Variants in SNX27 observed in about 807,000 individuals in gnomAD.
SNX27 encodes the protein sorting nexin-27.
SNX27 carries 22 observed loss-of-function variants against 71.6 expected under a neutral mutation model. The observed-to-expected ratio is 0.31, with a 90% CI of 0.22 to 0.44. The LOEUF (loss-of-function observed/expected upper bound fraction) is 0.44, where lower values mean the gene tolerates loss of function less well. Ranked by LOEUF, SNX27 falls within the 20% of genes least tolerant of loss-of-function variation. The pLI is 1.00. For synonymous variants in SNX27, 269 were observed against 277.2 expected (o/e 0.97, Z 0.29); for missense variants, 531 against 698.6 (o/e 0.76, Z 2.70).
intron 1 of SNX27, among the ~76,000 whole-genome samples, chr1:151,630,825 A>G (rs1323785346): frequency 1.3e-5 from 2 of 152,190 alleles, no homozygotes; most frequent in Non-Finnish European, 2.9e-5. Context: ...CGAGGTCAGG[A>G]GATCGAGACC....
intron 3 of SNX27, 131 bp from the exon 4 acceptor site, chr1:151,660,667 G>A (rs1330143290): frequency 3.0e-6 from 2 of 666,534 alleles, no homozygotes; most frequent in African/African-American, 1.8e-5. Context: ...ATGGTTTGCT[G>A]CCTCATTATT....
Position 151,674,692 on chromosome 1 carries a change from C to CT in SNX27, c.1149+6070dup, listed in dbSNP as rs1218401207. ...AAAGGATCTCAGAATTTGATTGTTT[C>CT]TTTTTTTTTTTTTGAGACAAAGTCT... On this transcript the variant is annotated intron_variant, in intron 7 of 11. Transcript: ENST00000458013. Among the ~76,000 whole-genome samples, 478 of 143,708 alleles carry CT rather than the reference C, an allele frequency of 3.3e-3. 5 individuals are homozygous for CT. Among genetic ancestry groups the CT allele is most frequent in the African/African-American group, 9.0e-3 (355 of 39,356 alleles). The allele number at this position is 143,708 out of a possible 152,430, so 94.3% of individuals were successfully genotyped here.
In SNX27 at chr1:151,697,894, C is replaced by T. The variant is rs1369377227; in HGVS notation, c.*3477C>T. The T allele has an allele frequency of 6.6e-6, 1 of 152,434 alleles. No homozygotes were observed. The highest frequency in any genetic ancestry group is 1.5e-5 in the Non-Finnish European group (1 of 68,056). The allele number at this position is 152,434 out of a possible 1,614,324, so 9.4% of individuals were successfully genotyped here. On this transcript the variant is annotated 3_prime_UTR_variant, in exon 12 of 12. Coordinates refer to ENST00000458013, the MANE Select transcript of SNX27 (RefSeq NM_001330723.2). ...CCTTCCTCCACACTTGGTTTCTATC[C>T]TCAGGGGTAGAAGCTCAGAGCTTTT...
In SNX27 at chr1:151,683,425, G is replaced by A. The variant is rs759653250; in HGVS notation, c.1219G>A (p.Glu407Lys). ...EKSYQLQKLY[E>K]QRKMVMYLNM... ...GTCCTATCAATTACAGAAGCTATAC[G>A]AACAAAGAAAAATGGTCATGGTAAG... Residue 407 changes from glutamate (E) to lysine (K), a missense_variant, in exon 8 of 12, where the codon GAA becomes AAA. Glu to Lys is a moderately conservative substitution (Grantham distance 56). Coordinates refer to ENST00000458013, the MANE Select transcript of SNX27 (RefSeq NM_001330723.2). 4.3e-6 allele frequency: 7 copies of A among 1,612,710 alleles called. No homozygotes were observed. The highest frequency in any genetic ancestry group is 4.5e-5 in the East Asian group (2 of 44,838).
intron 2 of SNX27, among the ~76,000 whole-genome samples, chr1:151,646,975 A>G (rs1189816104): frequency 6.6e-6 from 1 of 151,800 alleles, no homozygotes; most frequent in Non-Finnish European, 1.5e-5. Flanking sequence ...CCTTTGTGCT[A>G]TTGTTGTCAT....
At chr1:151,651,235 C>T (rs1669332860) in intron 2 of SNX27, among the ~76,000 whole-genome samples, 1 of 149,152 alleles carries the variant, frequency 6.7e-6, no homozygotes, top group African/African-American at 2.5e-5. Context: ...GGGGGGCTGA[C>T]CCCCCGACCT....
intron 1 of SNX27, among the ~76,000 whole-genome samples, chr1:151,630,976 G>C (rs2102618240): frequency 6.6e-6 from 1 of 152,340 alleles, no homozygotes; most frequent in Non-Finnish European, 1.5e-5. Context: ...AGCTGGCAGT[G>C]AGCTGAGATT....
At chr1:151,651,806 C>T (rs1428768990) in intron 2 of SNX27, among the ~76,000 whole-genome samples, 5 of 152,016 alleles carry the variant, frequency 3.3e-5, no homozygotes, top group South Asian at 2.1e-4. Context: ...GGGTGGCGGC[C>T]GGGCAGAGGC....
Position 151,696,506 on chromosome 1 carries a change from G to GTTCTTTCGTTCTTTCT in SNX27, c.*2104_*2105insTTTCTTTCGTTCTTTC, listed in dbSNP as rs1671729876. 2 of 82,220 alleles carry GTTCTTTCGTTCTTTCT rather than the reference G, an allele frequency of 2.4e-5. No homozygotes were observed. Among genetic ancestry groups the GTTCTTTCGTTCTTTCT allele is most frequent in the African/African-American group, 9.9e-5 (2 of 20,156 alleles). The allele number at this position is 82,220 out of a possible 1,614,324, so 5.1% of individuals were successfully genotyped here. The stretch of plus-strand genomic sequence containing the variant: ...CTTTCTTTCTTTCTTTCTTTCTTTC[G>GTTCTTTCGTTCTTTCT]TTCTTTCGTTCTTTCGTTCTTTCTT... On this transcript the variant is annotated 3_prime_UTR_variant, in exon 12 of 12. Transcript: ENST00000458013.
At position 151,693,012 on chromosome 1, in the gene SNX27, C is replaced by T. The variant is rs1316173202; in HGVS notation, c.1491C>T (p.Pro497=). 6.2e-7 allele frequency: 1 copy of T among 1,613,938 alleles called. No individual in the cohort carries two copies. The highest frequency in any genetic ancestry group is 8.5e-7 in the Non-Finnish European group (1 of 1,180,018). ...AATATGCACGAGGAGAGAAGAAGCC[C>T]CGATGGGTTAAAATCTTCACGCCAT... is the stretch of plus-strand genomic sequence containing the variant. ...CFEYARGEKK[P]RWVKIFTPYF... is the part of the protein sequence containing the mutation. Residue 497 remains proline, a synonymous_variant, in exon 10 of 12, where the codon CCC becomes CCT. Coordinates refer to ENST00000458013, the MANE Select transcript of SNX27 (RefSeq NM_001330723.2).
chr1:151,672,951 T>TG (rs1343672164), intron 7 of SNX27, among the ~76,000 whole-genome samples: 1 of 151,784 alleles, frequency 6.6e-6, no homozygotes, highest in Non-Finnish European at 1.5e-5. Flanking sequence ...TCTTTTTTTG[T>TG]ATTTTTTTAT....
intron 1 of SNX27, among the ~76,000 whole-genome samples, chr1:151,620,733 AGGCT>A (rs1667634276): frequency 6.9e-6 from 1 of 144,182 alleles, no homozygotes; most frequent in African/African-American, 2.6e-5. Context: ...TCTGTCGCCT[AGGCT>A]GGAGAGCAGT....
At chr1:151,641,607 A>ATATATATATG (rs1357415657) in intron 2 of SNX27, among the ~76,000 whole-genome samples, 1 of 79,176 alleles carries the variant, frequency 1.3e-5, no homozygotes, top group Non-Finnish European at 2.5e-5. Flanking sequence ...AGATATATAT[A>ATATATATATG]TATATATATA....
At chr1:151,646,892 C>CACAA (rs980608702) in intron 2 of SNX27, among the ~76,000 whole-genome samples, 2 of 150,702 alleles carry the variant, frequency 1.3e-5, no homozygotes, top group Non-Finnish European at 3.0e-5. Context: ...GACACACACA[C>CACAA]ACACACACAC....
intron 6 of SNX27, chr1:151,667,239 C>T (rs1670228309): frequency 2.8e-4 from 1 of 3,614 alleles, no homozygotes; most frequent in Non-Finnish European, 6.0e-4. Flanking sequence ...ACAAGTGAGA[C>T]CCTGTCTCAA....
intron 1 of SNX27, among the ~76,000 whole-genome samples, chr1:151,638,391 CT>C (rs1463215458): frequency 6.6e-6 from 1 of 152,160 alleles, no homozygotes; most frequent in African/African-American, 2.4e-5. Context: ...AAGGAATTAT[CT>C]TCAGTCATAA....
intron 2 of SNX27, among the ~76,000 whole-genome samples, chr1:151,653,235 G>T (rs1405213318): frequency 2.0e-5 from 3 of 151,570 alleles, no homozygotes; most frequent in Admixed American, 6.6e-5. Context: ...CTTTTTTTTT[G>T]TTGTTGTTGT....
chr1:151,612,304 G>A lies in SNX27; in HGVS notation c.103G>A (p.Gly35Ser), dbSNP rs1236397430. 6.6e-7 allele frequency: 1 copy of A among 1,514,252 alleles called. No homozygotes were observed. Among genetic ancestry groups the A allele is most frequent in the Non-Finnish European group, 8.8e-7 (1 of 1,134,792 alleles). 93.8% of individuals were successfully genotyped at this position (1,514,252 alleles called of 1,614,324 possible). The stretch of plus-strand genomic sequence containing the variant: ...TGGGCTCCACTGCGCCGGGAACGGC[G>A]GCGGGGGAGGCGGCGGCCCGCGGGT... The part of the protein sequence containing the change: ...GSGLHCAGNG[G>S]GGGGGPRVVR... Residue 35 changes from glycine to serine, a missense_variant, in exon 1 of 12, where the codon GGC becomes AGC. By Grantham distance (56) the Gly-to-Ser change is moderately conservative (BLOSUM62 0). Around this residue, in one of 5 missense-constraint regions of SNX27, gnomAD observed 130 missense variants for 143.5 expected, o/e 0.91. Transcript: ENST00000458013. The surrounding 1 kb of genome is among the most constrained non-coding windows in gnomAD (Gnocchi z 5.2).
At chr1:151,619,590 C>T (rs143761865) in intron 1 of SNX27, among the ~76,000 whole-genome samples, 13 of 152,182 alleles carry the variant, frequency 8.5e-5, no homozygotes, top group East Asian at 1.9e-4. Context: ...TGTGAGCCAC[C>T]GTGCCGGGCC....
Sources: gnomAD v4.1 joint callset for allele counts (sites outside exome capture counted in the v4.1 genomes callset) on GRCh38, gnomAD v4.1.1 for gene constraint, gnomAD v4.1.1 regional missense constraint, Gnocchi (gnomAD v3.1) non-coding constraint, MANE v1.5 for transcripts, NCBI Gene and HGNC (gene_info 2026-07-23, HGNC 2026-07-21) for gene names.